Variants in CDH18 observed in about 807,000 individuals in gnomAD.
CDH18 encodes cadherin 18, also known as cadherin-18.
A neutral mutation model predicts 67.9 loss-of-function variants in CDH18; 31 were observed. That is an observed-to-expected ratio of 0.46 (90% CI 0.34 to 0.62). The LOEUF is 0.62. CDH18 is among the 20% of genes least tolerant of loss of function. The pLI is 0.01. For missense variants in CDH18, 890 were observed against 975.5 expected (o/e 0.91, Z 1.17); for synonymous variants, 362 against 347.2 (o/e 1.04, Z -0.48).
intron 5 of CDH18, among the ~76,000 whole-genome samples, chr5:19,708,663 T>C (rs564479674): frequency 3.4e-4 from 52 of 152,268 alleles, no homozygotes; most frequent in African/African-American, 1.1e-3. Context: ...CCACAAACAA[T>C]AGCATGAGCG....
intron 1 of CDH18, among the ~76,000 whole-genome samples, chr5:20,515,845 A>G (rs1226265328): frequency 6.6e-6 from 1 of 152,074 alleles, no homozygotes; most frequent in African/African-American, 2.4e-5. Flanking sequence ...TTACTTTCGC[A>G]TCTATGAACA....
At position 19,480,592 on chromosome 5, in the gene CDH18, T is replaced by C. The variant is rs1391323992; in HGVS notation, c.1882+2709A>G. On this transcript the variant is annotated intron_variant, in intron 12 of 12. Coordinates refer to ENST00000382275, the MANE Select transcript of CDH18 (RefSeq NM_004934.5). Reference sequence around the variant, plus strand: ...CAGGGTTTCACCGTGTTAGCCAGGATGGTCTCGATCCCCTGACCTCGTGAT... The same window carrying C: ...CAGGGTTTCACCGTGTTAGCCAGGACGGTCTCGATCCCCTGACCTCGTGAT... Among the ~76,000 whole-genome samples, 11 of 152,010 alleles carry C rather than the reference T, an allele frequency of 7.2e-5. No homozygotes were observed. The East Asian group carries it at 1.2e-3, about 16-fold the overall frequency.
At chr5:19,645,206 T>C (rs956386588) in intron 5 of CDH18, among the ~76,000 whole-genome samples, 26 of 152,170 alleles carry the variant, frequency 1.7e-4, no homozygotes, top group Non-Finnish European at 3.7e-4. Flanking sequence ...GTAGGAGATA[T>C]GTAGTTGATT....
chr5:19,482,472 T>C (rs908397233), intron 12 of CDH18, among the ~76,000 whole-genome samples: 3 of 152,216 alleles, frequency 2.0e-5, no homozygotes, highest in Admixed American at 2.0e-4. Flanking sequence ...AATATCCCTC[T>C]AAGACCAAAA....
At chr5:20,337,712 C>A (rs111400113) in intron 1 of CDH18, among the ~76,000 whole-genome samples, 1,773 of 152,300 alleles carry the variant, frequency 0.012, 38 homozygotes, top group African/African-American at 0.041. Context: ...GCCCTCCAAA[C>A]AATTCCAACC....
At chr5:20,313,877 G>GGTA (rs1156300549) in intron 1 of CDH18, among the ~76,000 whole-genome samples, 1 of 151,766 alleles carries the variant, frequency 6.6e-6, no homozygotes, top group East Asian at 1.9e-4. Context: ...AATTTCCTTG[G>GGTA]GTAATCTTAT....
intron 1 of CDH18, among the ~76,000 whole-genome samples, chr5:20,517,627 T>C (rs1042937896): frequency 2.0e-5 from 3 of 152,042 alleles, no homozygotes; most frequent in Admixed American, 6.6e-5. Flanking sequence ...ATTTAAAGCA[T>C]AGTCTCTGCC....
At chr5:20,151,712 T>G (rs1751120466) in intron 2 of CDH18, among the ~76,000 whole-genome samples, 1 of 152,160 alleles carries the variant, frequency 6.6e-6, no homozygotes, top group African/African-American at 2.4e-5. Context: ...AAATACTTCT[T>G]TTCCCAAAGC....
At chr5:20,536,781 G>C (rs1209469196) in intron 1 of CDH18, among the ~76,000 whole-genome samples, 1 of 152,116 alleles carries the variant, frequency 6.6e-6, no homozygotes, top group Non-Finnish European at 1.5e-5. Flanking sequence ...GGAGGCTCTA[G>C]CTTCATTCTG....
intron 1 of CDH18, among the ~76,000 whole-genome samples, chr5:20,306,607 T>C (rs1164424207): frequency 6.6e-6 from 1 of 152,226 alleles, no homozygotes; most frequent in Non-Finnish European, 1.5e-5. Context: ...ATAAGCATTT[T>C]ATTAAATCAA....
chr5:20,070,741 T>G (rs1743411638), intron 2 of CDH18, among the ~76,000 whole-genome samples: 1 of 152,228 alleles, frequency 6.6e-6, no homozygotes, highest in African/African-American at 2.4e-5. Context: ...AGCTATAAGC[T>G]ACCTTAACAC....
chr5:20,320,616 G>A (rs141801334), intron 1 of CDH18, among the ~76,000 whole-genome samples: 32 of 152,232 alleles, frequency 2.1e-4, no homozygotes, highest in Non-Finnish European at 3.5e-4. Flanking sequence ...CTCACTCACT[G>A]CCCCCAGATT....
At chr5:20,298,015 T>C (rs931568291) in intron 1 of CDH18, among the ~76,000 whole-genome samples, 2 of 152,112 alleles carry the variant, frequency 1.3e-5, no homozygotes, top group Admixed American at 1.3e-4. Context: ...CCCCCCATTA[T>C]TCTATTTTCA....
chr5:20,028,165 A>C (rs936825674), intron 2 of CDH18, among the ~76,000 whole-genome samples: 2 of 152,110 alleles, frequency 1.3e-5, no homozygotes, highest in Non-Finnish European at 2.9e-5. Context: ...AAAAACTGAA[A>C]CTACTTGTGC....
intron 2 of CDH18, among the ~76,000 whole-genome samples, chr5:19,975,227 C>A (rs1262633659): frequency 6.6e-6 from 1 of 151,944 alleles, no homozygotes; most frequent in South Asian, 2.1e-4. Context: ...TTTCAGCATA[C>A]CATGTCTCCA....
intron 2 of CDH18, among the ~76,000 whole-genome samples, chr5:20,016,178 G>T (rs764812341): frequency 2.0e-5 from 3 of 152,072 alleles, no homozygotes; most frequent in African/African-American, 7.2e-5. Context: ...GGATGGAGCT[G>T]GAGACCATCA....
chr5:20,058,865 T>C (rs1742222020), intron 2 of CDH18, among the ~76,000 whole-genome samples: 1 of 152,212 alleles, frequency 6.6e-6, no homozygotes, highest in Non-Finnish European at 1.5e-5. Context: ...CTAATTACTA[T>C]TAAGCTGGCC....
intron 2 of CDH18, among the ~76,000 whole-genome samples, chr5:20,041,306 T>A (rs1452090615): frequency 6.6e-6 from 1 of 152,208 alleles, no homozygotes; most frequent in Non-Finnish European, 1.5e-5. Flanking sequence ...AGCTTAGTTC[T>A]TACTATTATA....
intron 2 of CDH18, among the ~76,000 whole-genome samples, chr5:20,144,776 G>C (rs912499773): frequency 6.6e-6 from 1 of 152,154 alleles, no homozygotes; most frequent in Non-Finnish European, 1.5e-5. Flanking sequence ...AGGGTATTTA[G>C]AGAAGTAATC....
Sources: allele counts gnomAD v4.1 joint callset (sites outside exome capture counted in the v4.1 genomes callset), GRCh38; gene constraint gnomAD v4.1.1; transcripts MANE v1.5; gene names NCBI Gene and HGNC (gene_info 2026-07-23, HGNC 2026-07-21).